Variants in TRDN observed in about 807,000 individuals in gnomAD.
TRDN encodes triadin.
Under a neutral mutation model 149.7 loss-of-function variants are expected in TRDN, and 161 were observed. That is an observed-to-expected ratio of 1.08 (90% CI 0.95 to 1.23). The LOEUF is 1.23. TRDN is among the 50% of genes most tolerant of loss of function. TRDN has a pLI of 0.00. For missense variants in TRDN, 896 were observed against 823.5 expected (o/e 1.09, Z -1.08); for synonymous variants, 294 against 250.5 (o/e 1.17, Z -1.64).
chr6:123,267,698 G>A lies in TRDN; in HGVS notation c.1783+9C>T. On this transcript the variant is annotated intron_variant, in intron 32 of 40. Coordinates refer to ENST00000334268, the MANE Select transcript of TRDN (RefSeq NM_006073.4). ...TAAGACAGAATATAAACCAAAAATGGTAAAATACCTGTTTTTATAGATGGA... is the reference window on the plus strand; with the variant it reads ...TAAGACAGAATATAAACCAAAAATGATAAAATACCTGTTTTTATAGATGGA... 6.4e-7 allele frequency: 1 copy of A among 1,557,992 alleles called. No individual in the cohort carries two copies. The highest frequency in any genetic ancestry group is 8.7e-7 in the Non-Finnish European group (1 of 1,149,974).
At chr6:123,433,253 C>A (rs1774416262) in intron 12 of TRDN, among the ~76,000 whole-genome samples, 1 of 149,550 alleles carries the variant, frequency 6.7e-6, no homozygotes, top group Non-Finnish European at 1.5e-5. Flanking sequence ...TAAATGCTGT[C>A]TCTCAGAGAG....
intron 23 of TRDN, among the ~76,000 whole-genome samples, 197 bp downstream of exon 23, chr6:123,331,682 C>T (rs1779664704): frequency 6.6e-6 from 1 of 151,998 alleles, no homozygotes; most frequent in African/African-American, 2.4e-5. Flanking sequence ...TCTGATGCAG[C>T]TACACTTTCC....
chr6:123,224,065 G>C, intron 39 of TRDN, 28 bp downstream of exon 39: 1 of 1,593,224 alleles, frequency 6.3e-7, no homozygotes, highest in Non-Finnish European at 8.6e-7. Flanking sequence ...GAGAAAACTT[G>C]TAAATGATCC....
At chr6:123,465,604 AGAG>A (rs1432703666) in intron 9 of TRDN, among the ~76,000 whole-genome samples, 3 of 101,730 alleles carry the variant, frequency 2.9e-5, no homozygotes, top group Non-Finnish European at 6.5e-5. Flanking sequence ...AAAAAAAAAA[AGAG>A]AGAGAGAGAG....
chr6:123,467,586 A>G (rs4412217), intron 9 of TRDN, among the ~76,000 whole-genome samples: 32,707 of 151,994 alleles, frequency 0.22, 4,522 homozygotes, highest in East Asian at 0.64. Flanking sequence ...CCATGGTGAC[A>G]GTGATACTAG....
At chr6:123,271,650 C>G (rs1211275165) in intron 29 of TRDN, among the ~76,000 whole-genome samples, 2 of 151,910 alleles carry the variant, frequency 1.3e-5, no homozygotes, top group African/African-American at 4.8e-5. Context: ...AAAGTTGATG[C>G]CTTTGTGGGA....
intron 38 of TRDN, among the ~76,000 whole-genome samples, chr6:123,240,322 G>T (rs1775944493): frequency 6.6e-6 from 1 of 151,552 alleles, no homozygotes; most frequent in Non-Finnish European, 1.5e-5. Flanking sequence ...ATATTAATTT[G>T]TATATAAATG....
At chr6:123,561,110 G>C (rs1000423221) in intron 2 of TRDN, among the ~76,000 whole-genome samples, 31 of 152,236 alleles carry the variant, frequency 2.0e-4, no homozygotes, top group Admixed American at 7.2e-4. Context: ...CTTTCCCACA[G>C]GGTCTGAGAA....
chr6:123,301,752 C>CATATATATATACACATATACAT (rs1778410347), intron 24 of TRDN, among the ~76,000 whole-genome samples: 4 of 77,070 alleles, frequency 5.2e-5, no homozygotes, highest in African/African-American at 1.8e-4. Flanking sequence ...TATATATATA[C>CATATATATATACACATATACAT]ATATATATAT....
intron 26 of TRDN, 144 bp from the exon 27 acceptor site, chr6:123,274,814 A>C (rs1440191656): frequency 2.8e-6 from 2 of 725,438 alleles, no homozygotes; most frequent in African/African-American, 3.6e-5. Flanking sequence ...CAGAGGTTTC[A>C]GTGAGCTGAG....
chr6:123,596,294 G>C (rs1784034271), intron 1 of TRDN, among the ~76,000 whole-genome samples: 1 of 152,020 alleles, frequency 6.6e-6, no homozygotes, highest in African/African-American at 2.4e-5. Flanking sequence ...GAGAAGTAAG[G>C]AAGCTGCAGA....
chr6:123,538,329 A>G (rs1780652105), intron 4 of TRDN, among the ~76,000 whole-genome samples: 1 of 152,198 alleles, frequency 6.6e-6, no homozygotes, highest in African/African-American at 2.4e-5. Context: ...ATGAACAAGC[A>G]AATCTTGTTA....
intron 9 of TRDN, among the ~76,000 whole-genome samples, chr6:123,472,650 C>T (rs1346274389): frequency 6.6e-6 from 1 of 152,356 alleles, no homozygotes; most frequent in East Asian, 1.9e-4. Context: ...AACAAAAAGA[C>T]AGCAGTAACC....
intron 19 of TRDN, among the ~76,000 whole-genome samples, chr6:123,368,452 A>G (rs1781198588): frequency 6.6e-6 from 1 of 152,202 alleles, no homozygotes. Context: ...TTCTAAGCCT[A>G]TGATATTCAG....
chr6:123,509,912 A>G (rs1432933765), intron 7 of TRDN: 1 of 152,166 alleles, frequency 6.6e-6, no homozygotes, highest in Non-Finnish European at 1.5e-5. Flanking sequence ...TAACCAAATC[A>G]TATACCAGTT....
chr6:123,353,094 A>T (rs1025382052), intron 20 of TRDN, among the ~76,000 whole-genome samples: 5 of 151,852 alleles, frequency 3.3e-5, no homozygotes, highest in African/African-American at 9.7e-5. Context: ...CCCTTTCTCT[A>T]AGATGTTTTG....
chr6:123,410,351 T>C (rs1404483089), intron 12 of TRDN, among the ~76,000 whole-genome samples: 1 of 152,118 alleles, frequency 6.6e-6, no homozygotes, highest in Non-Finnish European at 1.5e-5. Flanking sequence ...TTTTCTCCCC[T>C]TTTGCAAGCA....
At chr6:123,467,108 C>A (rs974190154) in intron 9 of TRDN, among the ~76,000 whole-genome samples, 3 of 151,874 alleles carry the variant, frequency 2.0e-5, no homozygotes, top group Non-Finnish European at 2.9e-5. Flanking sequence ...AAACCCCAAC[C>A]CTGCCTTCAA....
At chr6:123,464,827 G>C (rs1438539066) in intron 10 of TRDN, 79 bp downstream of exon 10, 2 of 1,521,686 alleles carry the variant, frequency 1.3e-6, no homozygotes, top group Non-Finnish European at 1.8e-6. Flanking sequence ...GTTTCTTTGT[G>C]ACTATTTTTG....
Sources: gnomAD v4.1 joint callset for allele counts (sites outside exome capture counted in the v4.1 genomes callset) on GRCh38, gnomAD v4.1.1 for gene constraint, MANE v1.5 for transcripts, NCBI Gene and HGNC (gene_info 2026-07-23, HGNC 2026-07-21) for gene names.